Variants in TAMM41 observed in about 807,000 individuals in gnomAD.
The protein encoded by TAMM41 is TAM41 mitochondrial translocator assembly and maintenance homolog.
TAMM41 carries 36 observed loss-of-function variants against 44.1 expected under a neutral mutation model. That is an observed-to-expected ratio of 0.82 (90% CI 0.63 to 1.08). The LOEUF (loss-of-function observed/expected upper bound fraction) is 1.08. Among genes scored for constraint, TAMM41 ranks in the 50% least tolerant of loss-of-function variants. The pLI, the probability that TAMM41 is intolerant of heterozygous loss-of-function variation, is 0.00. For missense variants in TAMM41, 417 were observed against 404.3 expected, an observed-to-expected ratio of 1.03 and a Z score of -0.27; for synonymous variants, 164 against 153.1, an observed-to-expected ratio of 1.07 and a Z score of -0.53.
At chr3:11,837,287 C>T (rs1225440943) in intron 3 of TAMM41, among the ~76,000 whole-genome samples, 3 of 152,152 alleles carry the variant, frequency 2.0e-5, no homozygotes, top group Non-Finnish European at 4.4e-5. Context: ...CTGGGACCCT[C>T]TCACGCACAG....
chr3:11,730,559 C>T, the TAMM41 span, among the ~76,000 whole-genome samples: 1 of 152,012 alleles, frequency 6.6e-6, no homozygotes, highest in African/African-American at 2.4e-5. Context: ...ATAGTGAAAC[C>T]CCATCTGTAC....
At chr3:11,784,805 T>C in the TAMM41 span, among the ~76,000 whole-genome samples, 11 of 148,094 alleles carry the variant, frequency 7.4e-5, no homozygotes, top group East Asian at 4.0e-4. Context: ...TCTTTTTTTT[T>C]TTTTTTTTTT....
chr3:11,837,829 C>A (rs1312401099), intron 3 of TAMM41, among the ~76,000 whole-genome samples: 1 of 152,142 alleles, frequency 6.6e-6, no homozygotes, highest in Non-Finnish European at 1.5e-5. Flanking sequence ...ACCCTTCCCC[C>A]AAATGGGTCA....
chr3:11,746,383 A>G, the TAMM41 span, among the ~76,000 whole-genome samples: 1 of 152,126 alleles, frequency 6.6e-6, no homozygotes, highest in Non-Finnish European at 1.5e-5. Context: ...CCCAAGAGAA[A>G]TGTAATGTTA....
the TAMM41 span, among the ~76,000 whole-genome samples, chr3:11,758,949 G>C: frequency 6.6e-6 from 1 of 152,298 alleles, no homozygotes; most frequent in Admixed American, 6.5e-5. Context: ...TGGGATTATA[G>C]GCGTGAGCCA....
intron 4 of TAMM41, among the ~76,000 whole-genome samples, chr3:11,829,212 A>G (rs2078881405): frequency 6.6e-6 from 1 of 152,180 alleles, no homozygotes; most frequent in Admixed American, 6.6e-5. Context: ...CATCAGCATC[A>G]CTTGGGAACT....
intron 7 of TAMM41, among the ~76,000 whole-genome samples, chr3:11,794,106 C>T (rs1318144203): frequency 1.3e-5 from 2 of 151,882 alleles, no homozygotes; most frequent in Non-Finnish European, 2.9e-5. Flanking sequence ...AGTCCACAAT[C>T]CATAGACTTC....
At chr3:11,751,382 G>A in the TAMM41 span, among the ~76,000 whole-genome samples, 3 of 152,036 alleles carry the variant, frequency 2.0e-5, no homozygotes, top group Admixed American at 2.0e-4. Flanking sequence ...ATGAACCACC[G>A]CGCCTGGCCA....
chr3:11,785,515 G>A (rs934084371), downstream of TAMM41, among the ~76,000 whole-genome samples: 3 of 152,118 alleles, frequency 2.0e-5, no homozygotes, highest in Non-Finnish European at 2.9e-5. Context: ...TAGTAGAGAT[G>A]GGGTTTCACC....
chr3:11,764,390 C>T, the TAMM41 span, among the ~76,000 whole-genome samples: 1 of 151,214 alleles, frequency 6.6e-6, no homozygotes. Context: ...CAGACCCTGA[C>T]ACATGTTTGC....
At chr3:11,754,088 T>C in the TAMM41 span, among the ~76,000 whole-genome samples, 1 of 152,164 alleles carries the variant, frequency 6.6e-6, no homozygotes, top group Non-Finnish European at 1.5e-5. Flanking sequence ...CCTGCAGGAA[T>C]CTTGGTTACT....
the TAMM41 span, among the ~76,000 whole-genome samples, chr3:11,785,083 C>T: frequency 2.6e-5 from 4 of 152,128 alleles, no homozygotes; most frequent in Non-Finnish European, 4.4e-5. Flanking sequence ...TCTGGATGCT[C>T]AGTCACCACA....
chr3:11,734,151 G>A, the TAMM41 span, among the ~76,000 whole-genome samples: 1 of 152,204 alleles, frequency 6.6e-6, no homozygotes, highest in Non-Finnish European at 1.5e-5. Flanking sequence ...GAGAACCCGG[G>A]CCTTTGGTGG....
At chr3:11,747,877 A>ATTTTT in the TAMM41 span, among the ~76,000 whole-genome samples, 43 of 38,838 alleles carry the variant, frequency 1.1e-3, no homozygotes, top group South Asian at 0.02. Flanking sequence ...CTATTTATTT[A>ATTTTT]TTTATTTTTT....
At chr3:11,734,851 C>T in the TAMM41 span, among the ~76,000 whole-genome samples, 1,611 of 137,836 alleles carry the variant, frequency 0.012, 30 homozygotes, top group African/African-American at 0.043. Context: ...CTGGCTAACA[C>T]GGTGAAACCC....
the TAMM41 span, among the ~76,000 whole-genome samples, chr3:11,769,656 C>A: frequency 3.3e-5 from 5 of 152,192 alleles, no homozygotes; most frequent in Non-Finnish European, 1.5e-5. Context: ...CCATCATTTA[C>A]CAACTCCTAT....
At chr3:11,811,503 G>C (rs1358245672) in intron 5 of TAMM41, 1 of 152,178 alleles carries the variant, frequency 6.6e-6, no homozygotes, top group African/African-American at 2.4e-5. Flanking sequence ...ATTTTCACTT[G>C]AAAGCATGAG....
the TAMM41 span, among the ~76,000 whole-genome samples, chr3:11,730,987 C>T: frequency 1.3e-4 from 20 of 152,082 alleles, no homozygotes; most frequent in Non-Finnish European, 2.6e-4. Flanking sequence ...CCTACCTGCT[C>T]AAGCCTCTAT....
Position 11,839,215 on chromosome 3 carries a change from C to T in TAMM41, c.411+7G>A, listed in dbSNP as rs756753629. The T allele has an allele frequency of 1.2e-6, 2 of 1,602,416 alleles. No homozygotes were observed. Among genetic ancestry groups the T allele is most frequent in the African/African-American group, 2.7e-5 (2 of 74,592 alleles). Reference sequence around the variant, plus strand: ...ATCCTTAACTGTGCAGCCTATAAAACACTCACCGGTTTTTGGAGTCGTCCA... The same window carrying T: ...ATCCTTAACTGTGCAGCCTATAAAATACTCACCGGTTTTTGGAGTCGTCCA... On this transcript the variant is annotated splice_region_variant and intron_variant, in intron 3 of 7. Coordinates refer to ENST00000455809, the MANE Select transcript of TAMM41 (RefSeq NM_001284401.2).
Sources: gnomAD v4.1 joint callset for allele counts (sites outside exome capture counted in the v4.1 genomes callset) on GRCh38, gnomAD v4.1.1 for gene constraint, MANE v1.5 for transcripts, NCBI Gene and HGNC (gene_info 2026-07-23, HGNC 2026-07-21) for gene names.